TUT4: variants seen among roughly 807,000 people sequenced by gnomAD.
TUT4 encodes terminal uridylyl transferase 4.
Under a neutral mutation model 192.2 loss-of-function variants are expected in TUT4, and 36 were observed. The ratio of observed to expected loss-of-function variants is 0.19; its 90% CI spans 0.14 to 0.25. TUT4 has a LOEUF of 0.25. Among genes scored for constraint, TUT4 ranks in the 10% least tolerant of loss-of-function variants. TUT4 has a pLI of 1.00. For missense variants in TUT4, 1,493 were observed against 1,957.2 expected (o/e 0.76, Z 4.47); for synonymous variants, 618 against 666.0 (o/e 0.93, Z 1.11).
chr1:52,472,475 C>T (rs1666018155), intron 13 of TUT4, among the ~76,000 whole-genome samples: 1 of 151,710 alleles, frequency 6.6e-6, no homozygotes, highest in Non-Finnish European at 1.5e-5. Flanking sequence ...TAAGGTGCAC[C>T]TTTCATTTCA....
At chr1:52,439,422 T>C (rs546392601) in intron 24 of TUT4, among the ~76,000 whole-genome samples, 2 of 152,356 alleles carry the variant, frequency 1.3e-5, no homozygotes, top group South Asian at 4.1e-4. Flanking sequence ...CAGACTTATT[T>C]CTGCTTTATC....
Position 52,475,306 on chromosome 1 carries a change from T to C in TUT4, c.2253A>G (p.Glu751=). The part of the protein sequence containing the change: ...MATNGCILLG[E]TTEKINAERE... ...TTTCTGCATTTATTTTTTCTGTGGT[T>C]TCCCCAAGCAGAATACAACCATTGG... is the stretch of plus-strand genomic sequence containing the variant. The change falls in exon 13 of 30, where the codon GAA becomes GAG. Residue 751 remains glutamate, a synonymous_variant. Transcript: ENST00000257177. 6.8e-6 allele frequency: 11 copies of C among 1,614,112 alleles called. No homozygotes were observed. The highest frequency in any genetic ancestry group is 9.3e-6 in the Non-Finnish European group (11 of 1,180,012).
intron 13 of TUT4, among the ~76,000 whole-genome samples, chr1:52,472,401 A>G (rs1469086984): frequency 1.3e-5 from 2 of 152,174 alleles, no homozygotes; most frequent in Admixed American, 1.3e-4. Context: ...CAGCTCCCAA[A>G]GGAAAATATA....
chr1:52,437,147 C>T, intron 25 of TUT4, 169 bp from the exon 26 acceptor site: 1 of 842,260 alleles, frequency 1.2e-6, no homozygotes, highest in African/African-American at 1.7e-5. Context: ...GGCAGGAACT[C>T]GGTTTTCCAG....
At chr1:52,466,909 C>T (rs1002834581) in intron 15 of TUT4, among the ~76,000 whole-genome samples, 5 of 151,966 alleles carry the variant, frequency 3.3e-5, no homozygotes, top group Non-Finnish European at 7.4e-5. Flanking sequence ...TCAGGTGATC[C>T]ACCTTCCTCA....
intron 4 of TUT4, among the ~76,000 whole-genome samples, chr1:52,500,168 G>T (rs1260164140): frequency 6.6e-6 from 1 of 151,690 alleles, no homozygotes; most frequent in African/African-American, 2.4e-5. Context: ...GGCATGTATG[G>T]TCTAATGATT....
At chr1:52,498,903 TATA>T (rs1673245226) in intron 4 of TUT4, among the ~76,000 whole-genome samples, 2 of 1,006 alleles carry the variant, frequency 2.0e-3, no homozygotes, top group African/African-American at 2.9e-3. Context: ...AAAAAAAAAT[TATA>T]TATATATATA....
At chr1:52,551,699 T>TACACACACACAC (rs142834898) in intron 1 of TUT4, among the ~76,000 whole-genome samples, 1 of 143,810 alleles carries the variant, frequency 7.0e-6, no homozygotes, top group Non-Finnish European at 1.5e-5. Context: ...CACACACACA[T>TACACACACACAC]ACACACACAC....
At chr1:52,455,630 A>AAAGGGGGGG (rs1557703413) in intron 20 of TUT4, among the ~76,000 whole-genome samples, 3 of 96,662 alleles carry the variant, frequency 3.1e-5, no homozygotes, top group African/African-American at 4.7e-5. Context: ...AAAAAAAAAA[A>AAAGGGGGGG]GACGGGGGAG....
intron 11 of TUT4, among the ~76,000 whole-genome samples, chr1:52,479,228 A>C (rs1667856742): frequency 6.6e-6 from 1 of 152,236 alleles, no homozygotes; most frequent in African/African-American, 2.4e-5. Flanking sequence ...GCAAAGAGCC[A>C]GGAAGGGCTG....
intron 24 of TUT4, among the ~76,000 whole-genome samples, chr1:52,444,765 C>A (rs1274984114): frequency 1.3e-5 from 2 of 151,160 alleles, no homozygotes; most frequent in Non-Finnish European, 2.9e-5. Flanking sequence ...ATGCTTCCAG[C>A]CCTCAAATGT....
chr1:52,465,847 A>G (rs1473430097), intron 15 of TUT4, among the ~76,000 whole-genome samples: 2 of 152,154 alleles, frequency 1.3e-5, no homozygotes, highest in East Asian at 3.8e-4. Flanking sequence ...GCTGTGGTTT[A>G]ACAGAATTGG....
chr1:52,443,116 T>A (rs1656193438), intron 24 of TUT4, among the ~76,000 whole-genome samples: 1 of 151,688 alleles, frequency 6.6e-6, no homozygotes, highest in African/African-American at 2.4e-5. Context: ...AAACCCCGTC[T>A]CTACTAAAAA....
chr1:52,498,332 C>G (rs1193763100), intron 4 of TUT4, among the ~76,000 whole-genome samples: 4 of 151,408 alleles, frequency 2.6e-5, no homozygotes, highest in African/African-American at 9.7e-5. Context: ...GGCTCCGCCC[C>G]CCCGGGGTTC....
chr1:52,468,777 G>A (rs1269915450), intron 14 of TUT4, among the ~76,000 whole-genome samples: 1 of 152,156 alleles, frequency 6.6e-6, no homozygotes, highest in African/African-American at 2.4e-5. Context: ...CAAACTGTGT[G>A]CCACAGTCTG....
intron 20 of TUT4, among the ~76,000 whole-genome samples, chr1:52,449,092 C>T (rs1404924445): frequency 6.6e-6 from 1 of 152,088 alleles, no homozygotes; most frequent in African/African-American, 2.4e-5. Context: ...CAGACACACA[C>T]ACACACACTC....
At chr1:52,460,373 T>C (rs890932494) in intron 19 of TUT4, among the ~76,000 whole-genome samples, 1 of 151,940 alleles carries the variant, frequency 6.6e-6, no homozygotes, top group Non-Finnish European at 1.5e-5. Context: ...TCCCAGCTAC[T>C]TGGGAGGCTG....
chr1:52,451,133 G>A (rs1224041022), intron 20 of TUT4, among the ~76,000 whole-genome samples: 1 of 152,082 alleles, frequency 6.6e-6, no homozygotes, highest in Non-Finnish European at 1.5e-5. Flanking sequence ...TGACATGGTG[G>A]TGGGCGCCTT....
Position 52,424,083 on chromosome 1 carries a change from GCTTT to G in TUT4, c.4871-85_4871-82del, listed in dbSNP as rs1374160903. 5.7e-6 allele frequency: 8 copies of G among 1,406,038 alleles called. No homozygotes were observed. The East Asian group carries it at 1.7e-4, about 31-fold the overall frequency. The allele number at this position is 1,406,038 out of a possible 1,614,324, so 87.1% of individuals were successfully genotyped here. ...ACACCTTAGAATTAACTTGTAGTTA[GCTTT>G]CTTTTTTTCTATTTATATAATAGGA... On this transcript the variant is annotated intron_variant, in intron 29 of 29. Coordinates refer to ENST00000257177, the MANE Select transcript of TUT4 (RefSeq NM_001009881.3).
Sources: allele counts gnomAD v4.1 joint callset (sites outside exome capture counted in the v4.1 genomes callset), GRCh38; gene constraint gnomAD v4.1.1; transcripts MANE v1.5; gene names NCBI Gene and HGNC (gene_info 2026-07-23, HGNC 2026-07-21).